The following FHOD3 variants were observed in gnomAD, a reference collection of about 807,000 sequenced individuals.
FHOD3 encodes formin homology 2 domain containing 3.
FHOD3 carries 90 observed loss-of-function variants against 173.0 expected under a neutral mutation model. That is an observed-to-expected ratio of 0.52 (90% CI 0.44 to 0.62). FHOD3 has a LOEUF of 0.62. Among genes scored for constraint, FHOD3 ranks in the 20% least tolerant of loss-of-function variants. The probability of loss-of-function intolerance (pLI) is 0.00; values close to 1 mark genes in which losing one functional copy is unlikely to be tolerated. For missense variants in FHOD3, 1,945 were observed against 2,034.7 expected (o/e 0.96, Z 0.85); for synonymous variants, 828 against 823.0 (o/e 1.01, Z -0.10).
rs73423295 is a variant in FHOD3, at chr18:36,528,351, G to A, written c.511+15808G>A. The stretch of plus-strand genomic sequence containing the variant: ...CATCAAGGCTGCCATACTGTAAAAC[G>A]GGACCTGAAATAGTTGGCCTGGCTC... On this transcript the variant is annotated intron_variant, in intron 5 of 28. Transcript: ENST00000590592. 1.3e-3 allele frequency among the ~76,000 whole-genome samples: 203 copies of A among 152,272 alleles called. 1 individual carries two copies. Among genetic ancestry groups the A allele is most frequent in the African/African-American group, 4.7e-3 (195 of 41,542 alleles).
chr18:36,346,526 C>T (rs1164919748), intron 1 of FHOD3, among the ~76,000 whole-genome samples: 1 of 152,204 alleles, frequency 6.6e-6, no homozygotes, highest in African/African-American at 2.4e-5. Context: ...AAGATTTTGC[C>T]TCTCCATGTT....
chr18:36,440,604 G>C lies in FHOD3; in HGVS notation c.338-61328G>C, dbSNP rs150839171. ...ACCACCAAGCCCCCAAGGGCCACCA[G>C]TGCTGCTCCAGGACTCTGAAGATTA... is the stretch of plus-strand genomic sequence containing the variant. On this transcript the variant is annotated intron_variant, in intron 3 of 28. Coordinates refer to ENST00000590592, the MANE Select transcript of FHOD3 (RefSeq NM_001281740.3). Among the ~76,000 whole-genome samples the C allele has an allele frequency of 8.1e-3, 1,241 of 152,342 alleles. 14 individuals are homozygous for C. The highest frequency in any genetic ancestry group is 0.029 in the African/African-American group (1,188 of 41,572).
At chr18:36,724,131 C>T (rs532883227) in intron 19 of FHOD3, among the ~76,000 whole-genome samples, 7 of 152,328 alleles carry the variant, frequency 4.6e-5, no homozygotes, top group South Asian at 4.1e-4. Context: ...TTGTTCTATC[C>T]GAAAGCCTGA....
chr18:36,300,535 G>T (rs2091932276), intron 1 of FHOD3, among the ~76,000 whole-genome samples: 1 of 152,186 alleles, frequency 6.6e-6, no homozygotes, highest in Non-Finnish European at 1.5e-5. Context: ...CCAGGACCCT[G>T]CCACCAGTGA....
At chr18:36,657,391 C>T (rs2036496044) in intron 13 of FHOD3, among the ~76,000 whole-genome samples, 1 of 152,200 alleles carries the variant, frequency 6.6e-6, no homozygotes, top group Non-Finnish European at 1.5e-5. Context: ...GTCTGAAAAA[C>T]AGAAATCTAG....
chr18:36,461,018 G>A (rs2144712988), intron 3 of FHOD3, among the ~76,000 whole-genome samples: 1 of 152,294 alleles, frequency 6.6e-6, no homozygotes, highest in Non-Finnish European at 1.5e-5. Flanking sequence ...ACAGGATGCA[G>A]GTTGAGAGTG....
intron 20 of FHOD3, among the ~76,000 whole-genome samples, chr18:36,736,352 C>T (rs2041630683): frequency 6.6e-6 from 1 of 152,242 alleles, no homozygotes; most frequent in Non-Finnish European, 1.5e-5. Context: ...TGCTCTCCAC[C>T]AGTGAGGGCA....
chr18:36,457,502 C>T (rs540635001), intron 3 of FHOD3, among the ~76,000 whole-genome samples: 33 of 152,054 alleles, frequency 2.2e-4, no homozygotes, highest in African/African-American at 5.3e-4. Flanking sequence ...CATTCAAATA[C>T]GAAGGGTGTC....
At position 36,707,573 on chromosome 18, in the gene FHOD3, G is replaced by T. The variant is rs374816477; in HGVS notation, c.2237-1522G>T. Among the ~76,000 whole-genome samples the T allele has an allele frequency of 1.4e-4, 22 of 152,310 alleles. No homozygotes were observed. In the East Asian group the frequency reaches 2.9e-3, roughly 20 times the overall value. ...CAGCCTGAGAGCAGATGAAGGATTG[G>T]GGGGTGATGGCCCCGTGGGTCCTGA... On this transcript the variant is annotated intron_variant, in intron 17 of 28. Coordinates refer to ENST00000590592, the MANE Select transcript of FHOD3 (RefSeq NM_001281740.3).
At chr18:36,770,882 C>G (rs1355305053) in intron 28 of FHOD3, among the ~76,000 whole-genome samples, 1 of 152,176 alleles carries the variant, frequency 6.6e-6, no homozygotes, top group African/African-American at 2.4e-5. Flanking sequence ...TGTGGGCTCT[C>G]TCTTTATTGT....
intron 3 of FHOD3, among the ~76,000 whole-genome samples, chr18:36,423,698 A>T (rs2050104506): frequency 6.6e-6 from 1 of 152,232 alleles, no homozygotes; most frequent in Non-Finnish European, 1.5e-5. Context: ...GAATGACATG[A>T]GAACAAGAAA....
At chr18:36,349,143 C>T (rs140466651) in intron 1 of FHOD3, among the ~76,000 whole-genome samples, 68 of 152,264 alleles carry the variant, frequency 4.5e-4, no homozygotes, top group African/African-American at 1.3e-3. Context: ...AGGCTGGCCT[C>T]GCGTGACATG....
In FHOD3 at chr18:36,576,502, G is replaced by T. The variant is rs370403836; in HGVS notation, c.563G>T (p.Arg188Leu). 49 of 1,613,594 alleles carry T rather than the reference G, an allele frequency of 3.0e-5. No homozygotes were observed. The highest frequency in any genetic ancestry group is 4.0e-5 in the Non-Finnish European group (47 of 1,179,870). ...YVDGMNGVIN[R>L]NETIQWLYTL... ...GATGGAATGAATGGAGTAATAAACC[G>T]CAATGAAACCATTCAGTGGCTGTAC... is the stretch of plus-strand genomic sequence containing the variant. The change falls in exon 6 of 29, where the codon CGC becomes CTC. Residue 188 changes from arginine (R) to leucine (L), a missense_variant. Around this residue, in one of 5 missense-constraint regions of FHOD3, gnomAD observed 245 missense variants for 267.7 expected, o/e 0.92. Transcript: ENST00000590592.
At chr18:36,475,269 C>T (rs2053503152) in intron 3 of FHOD3, among the ~76,000 whole-genome samples, 1 of 152,030 alleles carries the variant, frequency 6.6e-6, no homozygotes. Context: ...CTTTGGAGCT[C>T]TTAGCAGCTT....
chr18:36,679,042 G>C (rs557223253), intron 14 of FHOD3, among the ~76,000 whole-genome samples: 8 of 151,844 alleles, frequency 5.3e-5, no homozygotes, highest in African/African-American at 1.2e-4. Flanking sequence ...TCTGACTTTC[G>C]TGGATTTTTT....
chr18:36,410,898 T>C (rs2049325983), intron 3 of FHOD3, among the ~76,000 whole-genome samples: 1 of 152,192 alleles, frequency 6.6e-6, no homozygotes, highest in African/African-American at 2.4e-5. Flanking sequence ...CTTTATATAT[T>C]CTGGATACAA....
intron 15 of FHOD3, among the ~76,000 whole-genome samples, chr18:36,686,857 A>G (rs1053234335): frequency 7.9e-5 from 12 of 152,214 alleles, no homozygotes; most frequent in African/African-American, 2.7e-4. Context: ...AGATACTTAC[A>G]TTCTTTCCAA....
At chr18:36,453,654 G>A (rs1288199426) in intron 3 of FHOD3, among the ~76,000 whole-genome samples, 2 of 152,228 alleles carry the variant, frequency 1.3e-5, no homozygotes, top group Admixed American at 6.5e-5. Context: ...GCATGATGAA[G>A]GGGCTCAGGG....
At chr18:36,395,976 A>T (rs2048537107) in intron 3 of FHOD3, among the ~76,000 whole-genome samples, 2 of 152,178 alleles carry the variant, frequency 1.3e-5, no homozygotes, top group Admixed American at 6.5e-5. Context: ...CTTCTAGTAG[A>T]TTCTTTAGAA....
Sources: gnomAD v4.1 joint callset for allele counts (sites outside exome capture counted in the v4.1 genomes callset) on GRCh38, gnomAD v4.1.1 for gene constraint, gnomAD v4.1.1 regional missense constraint, MANE v1.5 for transcripts, NCBI Gene and HGNC (gene_info 2026-07-23, HGNC 2026-07-21) for gene names.